The following UGGT2 variants were observed in gnomAD, a reference collection of about 807,000 sequenced individuals.
The protein encoded by UGGT2 is UDP-glucose glycoprotein glucosyltransferase 2, also known as UDP-glucose:glycoprotein glucosyltransferase 2.
A neutral mutation model predicts 192.1 loss-of-function variants in UGGT2; 180 were observed. The ratio of observed to expected loss-of-function variants is 0.94; its 90% CI spans 0.83 to 1.06. UGGT2 has a LOEUF of 1.06. UGGT2 is among the 50% of genes least tolerant of loss of function. The pLI is 0.00. For missense variants in UGGT2, 1,849 were observed against 1,795.7 expected (o/e 1.03, Z -0.54); for synonymous variants, 580 against 591.0 (o/e 0.98, Z 0.27).
intron 4 of UGGT2, among the ~76,000 whole-genome samples, chr13:96,017,938 A>T (rs1385592803): frequency 6.6e-6 from 1 of 152,214 alleles, no homozygotes; most frequent in Non-Finnish European, 1.5e-5. Flanking sequence ...ATTTTACAGT[A>T]TCTCCAAAAA....
chr13:95,845,834 G>A (rs539088398), intron 36 of UGGT2, among the ~76,000 whole-genome samples: 155 of 151,128 alleles, frequency 1.0e-3, no homozygotes, highest in African/African-American at 3.4e-3. Context: ...GCGGGGTGGC[G>A]GGGCAGAGGC....
At chr13:95,948,529 T>C (rs749785535) in intron 13 of UGGT2, among the ~76,000 whole-genome samples, 2 of 152,186 alleles carry the variant, frequency 1.3e-5, no homozygotes, top group Non-Finnish European at 2.9e-5. Flanking sequence ...TCATTTCCTA[T>C]GTGAAAAAAC....
chr13:96,027,633 A>C (rs539484556), intron 2 of UGGT2, among the ~76,000 whole-genome samples: 289 of 152,336 alleles, frequency 1.9e-3, no homozygotes, highest in Non-Finnish European at 3.7e-3. Context: ...AGGTCTTAAA[A>C]GACTTAACGA....
At chr13:96,003,209 AC>A (rs2051863518) in intron 5 of UGGT2, among the ~76,000 whole-genome samples, 1 of 152,138 alleles carries the variant, frequency 6.6e-6, no homozygotes, top group South Asian at 2.1e-4. Context: ...GTGGATTGAT[AC>A]TGGTACACAG....
intron 12 of UGGT2, among the ~76,000 whole-genome samples, chr13:95,968,187 T>C (rs1211138377): frequency 2.6e-5 from 4 of 152,126 alleles, no homozygotes; most frequent in Non-Finnish European, 5.9e-5. Flanking sequence ...AATAGTTACT[T>C]ATTCATTTAG....
chr13:95,912,860 A>G (rs907009240), intron 20 of UGGT2, among the ~76,000 whole-genome samples: 12 of 152,222 alleles, frequency 7.9e-5, no homozygotes, highest in Non-Finnish European at 1.2e-4. Flanking sequence ...ACAGTAACCA[A>G]AACAGCATGG....
intron 38 of UGGT2, among the ~76,000 whole-genome samples, chr13:95,816,375 T>A (rs1167002721): frequency 3.9e-5 from 6 of 152,138 alleles, no homozygotes; most frequent in Admixed American, 2.0e-4. Flanking sequence ...CCTCTTAGGT[T>A]AAATACAAGC....
chr13:95,839,315 C>T (rs978954163), intron 36 of UGGT2, among the ~76,000 whole-genome samples: 2 of 152,256 alleles, frequency 1.3e-5, no homozygotes. Flanking sequence ...CTTCCCTAAC[C>T]TCCATGTACC....
chr13:95,999,228 T>A lies in UGGT2; in HGVS notation c.740A>T (p.Asp247Val). The change falls in exon 6 of 39, where the codon GAT becomes GTT. Residue 247 changes from aspartate (D) to valine (V), a missense_variant. Physicochemically the swap from Asp to Val is radical, Grantham distance 152. Coordinates refer to ENST00000376747, the MANE Select transcript of UGGT2 (RefSeq NM_020121.4). Reference sequence around the variant, plus strand: ...GAACTTACTTTTAACTTGGGTATCATCCAGTGCTTTGTATTCTGTACTCTT... The same window carrying A: ...GAACTTACTTTTAACTTGGGTATCAACCAGTGCTTTGTATTCTGTACTCTT... ...AIKSTEYKALDDTQVKTVTNT... is the reference protein window; with the variant it reads ...AIKSTEYKALVDTQVKTVTNT... 1 of 1,613,486 alleles carries A rather than the reference T, an allele frequency of 6.2e-7. No homozygotes were observed. Among genetic ancestry groups the A allele is most frequent in the Non-Finnish European group, 8.5e-7 (1 of 1,179,586 alleles).
chr13:95,972,494 T>C lies in UGGT2; in HGVS notation c.1184+86A>G, dbSNP rs1211994810. On this transcript the variant is annotated intron_variant, in intron 11 of 38. Transcript: ENST00000376747. ...ACATGTATTTATCTTTAAAGTGATC[T>C]TCATATTTTGACTTACACTAAATTC... 16 of 1,201,422 alleles carry C rather than the reference T, an allele frequency of 1.3e-5. No homozygotes were observed. In the Admixed American group the frequency reaches 2.6e-4, roughly 20 times the overall value. 74.4% of individuals were successfully genotyped at this position (1,201,422 alleles called of 1,614,324 possible).
chr13:95,957,752 T>C (rs2050254575), intron 12 of UGGT2, among the ~76,000 whole-genome samples: 1 of 152,234 alleles, frequency 6.6e-6, no homozygotes, highest in African/African-American at 2.4e-5. Flanking sequence ...GTTTACTATG[T>C]CTAGAAGAGC....
chr13:95,851,758 C>CA (rs1295291728), intron 36 of UGGT2, among the ~76,000 whole-genome samples: 26 of 152,100 alleles, frequency 1.7e-4, no homozygotes, highest in African/African-American at 5.8e-4. Flanking sequence ...ACAATCATCC[C>CA]CAAAATGTGG....
At chr13:96,048,648 G>T (rs1195755959) in intron 1 of UGGT2, among the ~76,000 whole-genome samples, 4 of 152,140 alleles carry the variant, frequency 2.6e-5, no homozygotes, top group Admixed American at 1.3e-4. Context: ...AAATGATAAA[G>T]GGGATATCAC....
In UGGT2 at chr13:95,809,117, G is replaced by A. The variant is rs192140260; in HGVS notation, c.4529-7305C>T. 6.5e-3 allele frequency among the ~76,000 whole-genome samples: 991 copies of A among 152,266 alleles called. 17 individuals carry two copies. Among genetic ancestry groups the A allele is most frequent in the Non-Finnish European group, 4.7e-3 (322 of 68,012 alleles). ...TGGTTGTACCCAAAAATAAACTGGT[G>A]AATGATTTAGCTCTTTTTAAAAAAA... On this transcript the variant is annotated intron_variant, in intron 38 of 38. Transcript: ENST00000376747.
At chr13:95,880,724 G>A (rs536219202) in intron 27 of UGGT2, among the ~76,000 whole-genome samples, 1 of 152,262 alleles carries the variant, frequency 6.6e-6, no homozygotes, top group East Asian at 1.9e-4. Context: ...TGTGTTCAAG[G>A]AACCCTTATG....
chr13:95,854,381 T>G lies in UGGT2; in HGVS notation c.4103A>C (p.Asp1368Ala), dbSNP rs780502357. Reference sequence around the variant, plus strand: ...TCCTGTTTTCCAGAAACGATATCCATCCATTTCCCTGCGGCTATCACAAAA... The same window carrying G: ...TCCTGTTTTCCAGAAACGATATCCAGCCATTTCCCTGCGGCTATCACAAAA... ...TPFCDSRREMDGYRFWKTGYW... is the reference protein window; with the variant it reads ...TPFCDSRREMAGYRFWKTGYW... Residue 1368 changes from aspartate to alanine, a missense_variant, in exon 35 of 39, where the codon GAT becomes GCT. Asp to Ala is a moderately radical substitution (Grantham distance 126). Coordinates refer to ENST00000376747, the MANE Select transcript of UGGT2 (RefSeq NM_020121.4). 7.4e-6 allele frequency: 12 copies of G among 1,613,750 alleles called. No individual in the cohort carries two copies. The highest frequency in any genetic ancestry group is 1.7e-5 in the Admixed American group (1 of 59,940).
intron 20 of UGGT2, among the ~76,000 whole-genome samples, chr13:95,914,860 T>C (rs918654314): frequency 1.6e-4 from 25 of 152,110 alleles, no homozygotes; most frequent in African/African-American, 5.3e-4. Context: ...ATAAAAATTA[T>C]GAAGAAATTT....
chr13:95,968,490 G>A lies in UGGT2; in HGVS notation c.1335+1622C>T, dbSNP rs115820811. On this transcript the variant is annotated intron_variant, in intron 12 of 38. Transcript: ENST00000376747. ...GGTAGGGCCTGATAGGACGTGTTGG[G>A]TCATGGGGGCAGATCCCTCATGTCT... is the stretch of plus-strand genomic sequence containing the variant. 4.6e-4 allele frequency among the ~76,000 whole-genome samples: 70 copies of A among 152,198 alleles called. 1 individual carries two copies. The highest frequency in any genetic ancestry group is 1.6e-3 in the African/African-American group (65 of 41,532).
chr13:95,886,860 T>C (rs1331527797), intron 26 of UGGT2, among the ~76,000 whole-genome samples: 2 of 151,976 alleles, frequency 1.3e-5, no homozygotes, highest in Admixed American at 6.6e-5. Flanking sequence ...CTGGAGAACA[T>C]GGCAAGACCC....
Sources: allele counts gnomAD v4.1 joint callset (sites outside exome capture counted in the v4.1 genomes callset), GRCh38; gene constraint gnomAD v4.1.1; transcripts MANE v1.5; gene names NCBI Gene and HGNC (gene_info 2026-07-23, HGNC 2026-07-21).